KIF17: variants seen among roughly 807,000 people sequenced by gnomAD.
KIF17 encodes kinesin family member 17.
A neutral mutation model predicts 96.8 loss-of-function variants in KIF17; 80 were observed. That is an observed-to-expected ratio of 0.83 (90% CI 0.69 to 1.00). The LOEUF (loss-of-function observed/expected upper bound fraction) is 1.00. Ranked by LOEUF, KIF17 falls within the 50% of genes least tolerant of loss-of-function variation. KIF17 has a pLI of 0.00. For synonymous variants in KIF17, 567 were observed against 587.5 expected, an observed-to-expected ratio of 0.97 and a Z score of 0.51; for missense variants, 1,280 against 1,372.9, an observed-to-expected ratio of 0.93 and a Z score of 1.07.
chr1:20,665,630 G>A lies in KIF17; in HGVS notation c.2908+584C>T, dbSNP rs143960224. ...TGGCCAGGCTTGTCTTGAACTCCTG[G>A]CCTCAAGTGATCCACCCGCCTCAGC... On this transcript the variant is annotated intron_variant, in intron 14 of 14. Coordinates refer to ENST00000400463, the MANE Select transcript of KIF17 (RefSeq NM_001122819.3). Among the ~76,000 whole-genome samples the A allele has an allele frequency of 9.5e-4, 144 of 151,888 alleles. 2 individuals carry two copies. The highest frequency in any genetic ancestry group is 3.2e-3 in the African/African-American group (133 of 41,418).
In KIF17 at chr1:20,685,414, G is replaced by C. The variant is rs2154535958; in HGVS notation, c.2020-394C>G. 1 of 396,040 alleles carries C rather than the reference G, an allele frequency of 2.5e-6. No homozygotes were observed. The highest frequency in any genetic ancestry group is 2.0e-5 in the South Asian group (1 of 49,790). 24.5% of individuals were successfully genotyped at this position (396,040 alleles called of 1,614,324 possible). A position where few individuals can be genotyped will look rare whatever the true frequency, so the allele number is the denominator to read the frequency against. On this transcript the variant is annotated intron_variant, in intron 9 of 14. Transcript: ENST00000400463. This position sits in a 1 kb window ranked among gnomAD's most constrained non-coding sequence, Gnocchi z 4.1. ...CTCCACGGCCTCCCCCGCCACCGTGGCCTCCTTTTCCATTGCTAAGAAAGT... is the reference window on the plus strand; with the variant it reads ...CTCCACGGCCTCCCCCGCCACCGTGCCCTCCTTTTCCATTGCTAAGAAAGT...
At chr1:20,707,852 GTATA>G (rs1304774563) in intron 4 of KIF17, among the ~76,000 whole-genome samples, 1 of 129,178 alleles carries the variant, frequency 7.7e-6, no homozygotes. Flanking sequence ...AAATATATAT[GTATA>G]TATATAATAT....
Position 20,712,595 on chromosome 1 carries a change from T to TAGAGATA in KIF17, c.480+858_480+859insTATCTCT, listed in dbSNP as rs1172132375. Among the ~76,000 whole-genome samples, 14 of 13,810 alleles carry TAGAGATA rather than the reference T, an allele frequency of 1.0e-3. 2 individuals are homozygous for TAGAGATA. Among genetic ancestry groups the TAGAGATA allele is most frequent in the African/African-American group, 2.6e-3 (14 of 5,490 alleles). The allele number at this position is 13,810 out of a possible 152,430, so 9.1% of individuals were successfully genotyped here. A position where few individuals can be genotyped will look rare whatever the true frequency, so the allele number is the denominator to read the frequency against. On this transcript the variant is annotated intron_variant, in intron 3 of 14. Coordinates refer to ENST00000400463, the MANE Select transcript of KIF17 (RefSeq NM_001122819.3). ...AGATAATATTATCTATATATATATCTATATATATCTATATATATATAATAT... is the reference window on the plus strand; with the variant it reads ...AGATAATATTATCTATATATATATCTAGAGATAATATATATCTATATATATATAATAT...
chr1:20,695,352 T>C (rs765267142), intron 6 of KIF17, among the ~76,000 whole-genome samples: 1 of 152,166 alleles, frequency 6.6e-6, no homozygotes, highest in Non-Finnish European at 1.5e-5. Context: ...CACTCCCGAC[T>C]AATTTTTGTA....
Position 20,666,224 on chromosome 1 carries a change from C to T in KIF17, c.2898G>A (p.Arg966=), listed in dbSNP as rs1464369391. ...GGGAGGGACACTCACTGAGGCTCTT[C>T]CTGGCGTCTGTGCTGAGGATCTGGC... ...RASQILSTDA[R]KSLTHHNSPP... Residue 966 remains arginine, a synonymous_variant, in exon 14 of 15, where the codon AGG becomes AGA. Transcript: ENST00000400463. 1.9e-6 allele frequency: 3 copies of T among 1,613,374 alleles called. No homozygotes were observed. The African/African-American group carries it at 4.0e-5, about 21-fold the overall frequency.
chr1:20,669,575 A>G lies in KIF17; in HGVS notation c.2790+846T>C, dbSNP rs374705862. 1.5e-3 allele frequency among the ~76,000 whole-genome samples: 213 copies of G among 144,864 alleles called. 6 individuals carry two copies. The East Asian group carries it at 0.036, about 25-fold the overall frequency. On this transcript the variant is annotated intron_variant, in intron 13 of 14. Transcript: ENST00000400463. ...AATAATAATAATAATAAATAAAATA[A>G]AATAAAATAAAATAGAGGCCGGGCG...
chr1:20,688,951 G>A (rs2053988393), intron 7 of KIF17, among the ~76,000 whole-genome samples: 1 of 152,164 alleles, frequency 6.6e-6, no homozygotes, highest in African/African-American at 2.4e-5. Context: ...GGGGGCTCCC[G>A]GCGCCTCTCA....
chr1:20,704,903 C>G lies in KIF17; in HGVS notation c.671-4G>C, dbSNP rs2054315651. 1 of 1,599,356 alleles carries G rather than the reference C, an allele frequency of 6.3e-7. No individual in the cohort carries two copies. Among genetic ancestry groups the G allele is most frequent in the Admixed American group, 1.7e-5 (1 of 59,992 alleles). On this transcript the variant is annotated splice_polypyrimidine_tract_variant and splice_region_variant and intron_variant, in intron 4 of 14. Transcript: ENST00000400463. The surrounding 1 kb of genome is among the most constrained non-coding windows in gnomAD (Gnocchi z 6.8). ...AGGTGGTCCTTGCCCCGCTCATCTG[C>G]ACACAGACCAGGCAAAGTGGCGAGG...
chr1:20,667,951 G>A lies in KIF17; in HGVS notation c.2791-1620C>T, dbSNP rs568257830. On this transcript the variant is annotated intron_variant, in intron 13 of 14. Coordinates refer to ENST00000400463, the MANE Select transcript of KIF17 (RefSeq NM_001122819.3). ...CTTGAACCTGGGAGGCAGAGGTTGC[G>A]GTGAGCTGAGATCGCACAACTGCAC... Among the ~76,000 whole-genome samples, 15 of 151,446 alleles carry A rather than the reference G, an allele frequency of 9.9e-5. No individual in the cohort carries two copies. In the East Asian group the frequency reaches 2.1e-3, roughly 22 times the overall value.
intron 7 of KIF17, 82 bp from the exon 8 acceptor site, chr1:20,688,026 G>T: frequency 1.7e-6 from 2 of 1,189,918 alleles, no homozygotes; most frequent in Non-Finnish European, 2.5e-6. Context: ...CAAGCCCAGT[G>T]TGTTGTTTTT....
At chr1:20,682,050 C>G (rs2053837900) in intron 11 of KIF17, among the ~76,000 whole-genome samples, 1 of 152,122 alleles carries the variant, frequency 6.6e-6, no homozygotes, top group Non-Finnish European at 1.5e-5. Context: ...ACTGACCACT[C>G]CTCAATATTC....
At chr1:20,683,669 G>GA (rs1291651343) in intron 10 of KIF17, among the ~76,000 whole-genome samples, 28 of 151,956 alleles carry the variant, frequency 1.8e-4, no homozygotes, top group Admixed American at 7.9e-4. Context: ...AAAAAAGAAA[G>GA]AAAAAAACAT....
intron 11 of KIF17, among the ~76,000 whole-genome samples, chr1:20,680,899 G>A (rs1425073546): frequency 1.3e-5 from 2 of 151,918 alleles, no homozygotes; most frequent in Admixed American, 1.3e-4. Flanking sequence ...TGAGGTGGGC[G>A]AATCATGAGG....
In KIF17 at chr1:20,672,224, G is replaced by A. The variant is rs1485462079; in HGVS notation, c.2464-28C>T. On this transcript the variant is annotated intron_variant, in intron 11 of 14. Transcript: ENST00000400463. The surrounding 1 kb of genome is among the most constrained non-coding windows in gnomAD (Gnocchi z 4.3). ...GAAAGCAAAGGATGACAAGCAGTGA[G>A]CAGGGAAAGATACCTCCCCTTCCAT... 6.2e-7 allele frequency: 1 copy of A among 1,613,072 alleles called. No homozygotes were observed. Among genetic ancestry groups the A allele is most frequent in the South Asian group, 1.1e-5 (1 of 90,964 alleles).
In KIF17 at chr1:20,717,864, C is replaced by A. The variant is rs1163286676; in HGVS notation, c.-158G>T. ...CGGGGGGCGGGGACCCCTCGGGGGG[C>A]GCCCCGGAGGGGAGCTGGGCGTCGC... On this transcript the variant is annotated 5_prime_UTR_variant, in exon 1 of 15. Transcript: ENST00000400463. 2.6e-4 allele frequency: 109 copies of A among 420,178 alleles called. 3 individuals carry two copies. In the East Asian group the frequency reaches 8.9e-3, roughly 34 times the overall value. 26.0% of individuals were successfully genotyped at this position (420,178 alleles called of 1,614,324 possible).
intron 13 of KIF17, among the ~76,000 whole-genome samples, chr1:20,667,945 G>A (rs539002356): frequency 3.9e-5 from 6 of 152,146 alleles, no homozygotes; most frequent in Non-Finnish European, 8.8e-5. Context: ...GGGAGGCAGA[G>A]GTTGCGGTGA....
At position 20,664,709 on chromosome 1, in the gene KIF17, T is replaced by C; in HGVS notation, c.2962A>G (p.Ile988Val). ...LSCPLSNNSA[I>V]PPTQAPEMPQ... ...ATTTCAGGGGCCTGGGTGGGTGGGA[T>C]GGCAGAGTTGTTGCTGAGTGGGCAG... Residue 988 changes from isoleucine (I) to valine (V), a missense_variant, in exon 15 of 15, where the codon ATC becomes GTC. Transcript: ENST00000400463. 1 of 1,612,338 alleles carries C rather than the reference T, an allele frequency of 6.2e-7. No individual in the cohort carries two copies. Among genetic ancestry groups the C allele is most frequent in the South Asian group, 1.1e-5 (1 of 90,990 alleles).
chr1:20,671,908 G>T, intron 12 of KIF17, 30 bp downstream of exon 12: 1 of 1,607,704 alleles, frequency 6.2e-7, no homozygotes, highest in South Asian at 1.1e-5. Flanking sequence ...AAGGAGGGAG[G>T]GGAGGGCAAG....
intron 11 of KIF17, among the ~76,000 whole-genome samples, chr1:20,677,758 A>G (rs2053763617): frequency 6.6e-6 from 1 of 152,202 alleles, no homozygotes; most frequent in African/African-American, 2.4e-5. Flanking sequence ...CGGGAGGCTG[A>G]GGTGGGAGAA....
Sources: allele counts gnomAD v4.1 joint callset (sites outside exome capture counted in the v4.1 genomes callset), GRCh38; gene constraint gnomAD v4.1.1; non-coding constraint Gnocchi (gnomAD v3.1); transcripts MANE v1.5; gene names NCBI Gene and HGNC (gene_info 2026-07-23, HGNC 2026-07-21).